CRYBA4: variants seen among roughly 807,000 people sequenced by gnomAD.
CRYBA4 encodes crystallin beta A4.
Under a neutral mutation model 31.7 loss-of-function variants are expected in CRYBA4, and 30 were observed. The observed-to-expected ratio is 0.95, with a 90% confidence interval of 0.71 to 1.28. The LOEUF is 1.28. Ranked by LOEUF, CRYBA4 falls within the 50% of genes most tolerant of loss-of-function variation. The probability of loss-of-function intolerance (pLI) is 0.00; values close to 1 mark genes in which losing one functional copy is unlikely to be tolerated. For missense variants in CRYBA4, 225 were observed against 260.7 expected (o/e 0.86, Z 0.94); for synonymous variants, 102 against 102.3 (o/e 1.00, Z 0.02).
the CRYBA4 span, among the ~76,000 whole-genome samples, chr22:26,594,714 C>A: frequency 2.7e-4 from 41 of 152,122 alleles, no homozygotes; most frequent in Middle Eastern, 3.4e-3. Flanking sequence ...AAAACAAAAA[C>A]CAAAACAAAC....
At chr22:26,626,428 AAAAC>A (rs572307861) in intron 4 of CRYBA4, among the ~76,000 whole-genome samples, 78 of 152,334 alleles carry the variant, frequency 5.1e-4, no homozygotes, top group East Asian at 3.9e-3. Flanking sequence ...CAAAAAAACA[AAAAC>A]AAACAAACAA....
chr22:26,605,154 C>G, the CRYBA4 span, among the ~76,000 whole-genome samples: 1 of 152,228 alleles, frequency 6.6e-6, no homozygotes, highest in Non-Finnish European at 1.5e-5. Context: ...CCCCTGACCA[C>G]TCCCACCTCT....
chr22:26,617,218 G>C (rs772240576), upstream of CRYBA4, among the ~76,000 whole-genome samples: 3 of 152,178 alleles, frequency 2.0e-5, no homozygotes, highest in East Asian at 1.9e-4. Flanking sequence ...AATTCCAGTG[G>C]TTCCTTGTTG....
intron 4 of CRYBA4, 145 bp from the exon 5 acceptor site, chr22:26,628,143 G>A (rs1569212266): frequency 2.9e-6 from 3 of 1,020,706 alleles, no homozygotes; most frequent in Non-Finnish European, 4.5e-6. Flanking sequence ...CAAGGTTTCT[G>A]GTACCTGTTG....
chr22:26,621,534 A>C (rs758466236), upstream of CRYBA4, among the ~76,000 whole-genome samples: 57 of 152,320 alleles, frequency 3.7e-4, no homozygotes, highest in Non-Finnish European at 7.2e-4. Flanking sequence ...AGGAATAGGC[A>C]TTTCCTGAAT....
intron 4 of CRYBA4, among the ~76,000 whole-genome samples, chr22:26,627,642 CTCTCTT>C (rs1929791989): frequency 1.4e-5 from 2 of 142,732 alleles, no homozygotes; most frequent in African/African-American, 2.6e-5. Flanking sequence ...CCTTCTCTCT[CTCTCTT>C]TCTTTCTTTC....
the CRYBA4 span, among the ~76,000 whole-genome samples, chr22:26,590,775 C>CA: frequency 6.6e-6 from 1 of 151,562 alleles, no homozygotes; most frequent in Non-Finnish European, 1.5e-5. Flanking sequence ...ACTACCCCCC[C>CA]AAAAAAAACC....
At chr22:26,601,391 C>T in the CRYBA4 span, among the ~76,000 whole-genome samples, 1 of 152,034 alleles carries the variant, frequency 6.6e-6, no homozygotes, top group African/African-American at 2.4e-5. Flanking sequence ...GCCTAGCTGG[C>T]AAGACTGAGA....
chr22:26,629,953 C>T (rs5752360), intron 5 of CRYBA4, among the ~76,000 whole-genome samples: 27,707 of 152,058 alleles, frequency 0.18, 2,765 homozygotes, highest in East Asian at 0.39. Flanking sequence ...ATACACGTTC[C>T]TACACTCAGG....
chr22:26,592,538 C>T, the CRYBA4 span, among the ~76,000 whole-genome samples: 1 of 152,172 alleles, frequency 6.6e-6, no homozygotes, highest in East Asian at 1.9e-4. Context: ...AAAGGCCTAG[C>T]AGGAAGGAAG....
At chr22:26,615,958 G>A in the CRYBA4 span, among the ~76,000 whole-genome samples, 1 of 152,140 alleles carries the variant, frequency 6.6e-6, no homozygotes, top group South Asian at 2.1e-4. Flanking sequence ...AGAGTCTGGG[G>A]AGGTGGAGAA....
intron 3 of CRYBA4, among the ~76,000 whole-genome samples, chr22:26,624,649 C>G (rs1402320942): frequency 6.6e-6 from 1 of 152,112 alleles, no homozygotes. Context: ...AGGGGTATGT[C>G]CAGCAGGCTG....
chr22:26,622,659 G>C, intron 2 of CRYBA4, 24 bp downstream of exon 2: 4 of 1,528,948 alleles, frequency 2.6e-6, no homozygotes, highest in Non-Finnish European at 3.6e-6. Flanking sequence ...TGGGGAGGGG[G>C]TGTTCAGGGG....
the CRYBA4 span, chr22:26,612,233 G>A: frequency 4.4e-6 from 6 of 1,374,580 alleles, no homozygotes; most frequent in South Asian, 3.5e-5. Context: ...AGTGAGGGGG[G>A]AGTCAAAAAT....
At chr22:26,605,799 G>A in the CRYBA4 span, among the ~76,000 whole-genome samples, 1 of 151,656 alleles carries the variant, frequency 6.6e-6, no homozygotes. Flanking sequence ...CCACGACAGG[G>A]GGCTGGAAAG....
chr22:26,627,359 C>CCCTCCCTCCCTCCTTTCTTTCTTT (rs1404229613), intron 4 of CRYBA4, among the ~76,000 whole-genome samples: 1 of 41,860 alleles, frequency 2.4e-5, no homozygotes, highest in Non-Finnish European at 4.1e-5. Flanking sequence ...CTCCCTCCCT[C>CCCTCCCTCCCTCCTTTCTTTCTTT]CTTTCTTTCT....
At chr22:26,629,754 A>AAAAAAAAAAC (rs1929864864) in intron 5 of CRYBA4, among the ~76,000 whole-genome samples, 1 of 151,408 alleles carries the variant, frequency 6.6e-6, no homozygotes, top group South Asian at 2.1e-4. Context: ...AAAAAAAAAA[A>AAAAAAAAAAC]AATCAATGAA....
At chr22:26,624,192 A>G (rs1281181833) in intron 3 of CRYBA4, among the ~76,000 whole-genome samples, 4 of 151,578 alleles carry the variant, frequency 2.6e-5, no homozygotes, top group African/African-American at 9.7e-5. Flanking sequence ...TAGCTACCAT[A>G]TTGGATAGAA....
At chr22:26,627,186 T>C (rs1406368908) in intron 4 of CRYBA4, among the ~76,000 whole-genome samples, 1 of 152,154 alleles carries the variant, frequency 6.6e-6, no homozygotes, top group African/African-American at 2.4e-5. Context: ...GTTAGTTTCA[T>C]TTTATAGATA....
Sources: gnomAD v4.1 joint callset for allele counts (sites outside exome capture counted in the v4.1 genomes callset) on GRCh38, gnomAD v4.1.1 for gene constraint, MANE v1.5 for transcripts, NCBI Gene and HGNC (gene_info 2026-07-23, HGNC 2026-07-21) for gene names.